The following PCDHGA11 variants were observed in gnomAD, a reference collection of about 807,000 sequenced individuals.
PCDHGA11 encodes protocadherin gamma subfamily A, 11, also known as protocadherin gamma-A11.
PCDHGA11 carries 39 observed loss-of-function variants against 60.4 expected under a neutral mutation model. The observed-to-expected ratio is 0.65, with a 90% confidence interval of 0.50 to 0.84. The LOEUF (loss-of-function observed/expected upper bound fraction) is 0.84. Among genes scored for constraint, PCDHGA11 ranks in the 40% least tolerant of loss-of-function variants. The probability of loss-of-function intolerance (pLI) is 0.00; values close to 1 mark genes in which losing one functional copy is unlikely to be tolerated. For synonymous variants in PCDHGA11, 533 were observed against 510.3 expected (o/e 1.04, Z -0.60); for missense variants, 1,165 against 1,197.7 (o/e 0.97, Z 0.40).
chr5:141,436,207 A>T (rs544201723), intron 1 of PCDHGA11, among the ~76,000 whole-genome samples: 1 of 152,142 alleles, frequency 6.6e-6, no homozygotes, highest in Admixed American at 6.5e-5. Context: ...ACATAATAGG[A>T]AAACAAATGA....
Position 141,487,256 on chromosome 5 carries a change from G to T in PCDHGA11, c.2434-7551G>T. On this transcript the variant is annotated intron_variant, in intron 1 of 3. Coordinates refer to ENST00000398587, the MANE Select transcript of PCDHGA11 (RefSeq NM_018914.3). This position sits in a 1 kb window ranked among gnomAD's most constrained non-coding sequence, Gnocchi z 5.0. Reference sequence around the variant, plus strand: ...ATCTCGTCTAACCCTCTACTTGGCTGTGTCCCTAGTGGCAATTTGCTTTGT... The same window carrying T: ...ATCTCGTCTAACCCTCTACTTGGCTTTGTCCCTAGTGGCAATTTGCTTTGT... The T allele has an allele frequency of 2.5e-6, 4 of 1,614,166 alleles. No homozygotes were observed. Among genetic ancestry groups the T allele is most frequent in the Non-Finnish European group, 2.5e-6 (3 of 1,180,032 alleles).
Position 141,432,483 on chromosome 5 carries a change from T to C in PCDHGA11, c.2433+8823T>C, listed in dbSNP as rs776090923. The C allele has an allele frequency of 6.2e-7, 1 of 1,614,136 alleles. No homozygotes were observed. The highest frequency in any genetic ancestry group is 1.1e-5 in the South Asian group (1 of 91,078). ...CTCCCCACGGACGGTTCCACTGGCG[T>C]GGAGCTGGCTCCCCGCTCCGCAGAG... On this transcript the variant is annotated intron_variant, in intron 1 of 3. Coordinates refer to ENST00000398587, the MANE Select transcript of PCDHGA11 (RefSeq NM_018914.3). The surrounding 1 kb of genome is among the most constrained non-coding windows in gnomAD (Gnocchi z 6.0).
At chr5:141,450,006 CTTTTTTT>C (rs1554136305) in intron 1 of PCDHGA11, among the ~76,000 whole-genome samples, 12 of 132,986 alleles carry the variant, frequency 9.0e-5, no homozygotes, top group Non-Finnish European at 1.7e-4. Context: ...TGCCATGTCT[CTTTTTTT>C]TTTTTTTTTT....
chr5:141,423,310 G>C lies in PCDHGA11; in HGVS notation c.2083G>C (p.Val695Leu). The change falls in exon 1 of 4, where the codon GTG becomes CTG. Residue 695 changes from valine (V) to leucine (L), a missense_variant. Coordinates refer to ENST00000398587, the MANE Select transcript of PCDHGA11 (RefSeq NM_018914.3). The stretch of plus-strand genomic sequence containing the variant: ...AACCTCAGACCTCTCGCTGTACTTG[G>C]TGGTGGCGGTGGCCGCAGTCTCCTG... ...SETSDLSLYL[V>L]VAVAAVSCIF... The C allele has an allele frequency of 1.2e-6, 2 of 1,614,180 alleles. No homozygotes were observed. The highest frequency in any genetic ancestry group is 1.7e-6 in the Non-Finnish European group (2 of 1,180,028).
rs570083634 is a variant in PCDHGA11, at chr5:141,427,859, C to G, written c.2433+4199C>G. 25 of 1,556,390 alleles carry G rather than the reference C, an allele frequency of 1.6e-5. No homozygotes were observed. The Admixed American group carries it at 2.0e-4, about 13-fold the overall frequency. ...CCTTCGACCACGAGCAGCTGTGCGC[C>G]TTCGAGCTCACGATGCAGGCCCACG... On this transcript the variant is annotated intron_variant, in intron 1 of 3. Coordinates refer to ENST00000398587, the MANE Select transcript of PCDHGA11 (RefSeq NM_018914.3).
chr5:141,492,911 G>A (rs1008138353), intron 1 of PCDHGA11, among the ~76,000 whole-genome samples: 1 of 152,216 alleles, frequency 6.6e-6, no homozygotes, highest in Admixed American at 6.5e-5. Context: ...TGATCACAAT[G>A]TGCCCAGCGA....
At position 141,431,418 on chromosome 5, in the gene PCDHGA11, C is replaced by G. The variant is rs571505529; in HGVS notation, c.2433+7758C>G. On this transcript the variant is annotated intron_variant, in intron 1 of 3. Transcript: ENST00000398587. The surrounding 1 kb of genome is among the most constrained non-coding windows in gnomAD (Gnocchi z 4.8). ...CTTACGGCCTCCGACGGGGGCGACC[C>G]GGTGCGCACAGGCACCGCGCGCATC... is the stretch of plus-strand genomic sequence containing the variant. 6.8e-6 allele frequency: 11 copies of G among 1,613,588 alleles called. No homozygotes were observed. In the South Asian group the frequency reaches 1.1e-4, roughly 16 times the overall value.
chr5:141,506,294 C>T (rs1165174121), intron 3 of PCDHGA11, among the ~76,000 whole-genome samples: 1 of 151,888 alleles, frequency 6.6e-6, no homozygotes, highest in African/African-American at 2.4e-5. Context: ...ACTAAAAATA[C>T]AAAAATTAGC....
At chr5:141,505,305 C>T (rs1363643214) in intron 2 of PCDHGA11, 88 bp from the exon 3 acceptor site, 2 of 1,595,104 alleles carry the variant, frequency 1.3e-6, no homozygotes, top group Admixed American at 1.7e-5. Flanking sequence ...GGTTAGGGTA[C>T]TAGGTTTGGG....
rs1312101699 is a variant in PCDHGA11 at position 141,421,245 on chromosome 5, G to C, written c.18G>C (p.Gln6His). ...AGCCTGCCATGGCGAATCGGCTACA[G>C]CGCGGGGACCGCAGTCGGCTGCTGC... MANRL[Q>H]RGDRSRLLLL... The change falls in exon 1 of 4, where the codon CAG becomes CAC. Residue 6 changes from glutamine to histidine, a missense_variant. Physicochemically the swap from Gln to His is conservative, Grantham distance 24. Coordinates refer to ENST00000398587, the MANE Select transcript of PCDHGA11 (RefSeq NM_018914.3). 6.2e-7 allele frequency: 1 copy of C among 1,603,936 alleles called. No homozygotes were observed. The highest frequency in any genetic ancestry group is 8.5e-7 in the Non-Finnish European group (1 of 1,176,330).
chr5:141,487,750 T>A lies in PCDHGA11; in HGVS notation c.2434-7057T>A, dbSNP rs2099664307. On this transcript the variant is annotated intron_variant, in intron 1 of 3. Coordinates refer to ENST00000398587, the MANE Select transcript of PCDHGA11 (RefSeq NM_018914.3). The surrounding 1 kb of genome is among the most constrained non-coding windows in gnomAD (Gnocchi z 5.0). Reference sequence around the variant, plus strand: ...TCACCATTTTTGTAAGAGGTAACTATGTGGTAGACGCTGTGCTTTGTAACT... The same window carrying A: ...TCACCATTTTTGTAAGAGGTAACTAAGTGGTAGACGCTGTGCTTTGTAACT... 1 of 1,555,392 alleles carries A rather than the reference T, an allele frequency of 6.4e-7. No homozygotes were observed. Among genetic ancestry groups the A allele is most frequent in the African/African-American group, 1.4e-5 (1 of 73,376 alleles).
At position 141,489,369 on chromosome 5, in the gene PCDHGA11, G is replaced by A. The variant is rs371328808; in HGVS notation, c.2434-5438G>A. The A allele has an allele frequency of 4.5e-5, 73 of 1,613,474 alleles. No individual in the cohort carries two copies. Among genetic ancestry groups the A allele is most frequent in the African/African-American group, 4.1e-4 (31 of 74,894 alleles). ...TGGTGGAGGAGTCTGAGCCGGGGACGCTGGTGGGGAATGTTGCTCAGGATC... is the reference window on the plus strand; with the variant it reads ...TGGTGGAGGAGTCTGAGCCGGGGACACTGGTGGGGAATGTTGCTCAGGATC... On this transcript the variant is annotated intron_variant, in intron 1 of 3. Transcript: ENST00000398587. This position sits in a 1 kb window ranked among gnomAD's most constrained non-coding sequence, Gnocchi z 4.5.
intron 1 of PCDHGA11, chr5:141,430,836 C>T: frequency 6.4e-7 from 1 of 1,558,936 alleles, no homozygotes; most frequent in South Asian, 1.2e-5. Context: ...CTGTGGGAGA[C>T]CGGATGCACC....
At chr5:141,433,099 C>T (rs1003269683) in intron 1 of PCDHGA11, 1 of 1,614,190 alleles carries the variant, frequency 6.2e-7, no homozygotes, top group Non-Finnish European at 8.5e-7. Context: ...ACATGCTCGT[C>T]AGCCAGGAGA....
Position 141,422,289 on chromosome 5 carries a change from T to G in PCDHGA11, c.1062T>G (p.Ile354Met). The G allele has an allele frequency of 6.4e-7, 1 of 1,553,678 alleles. No homozygotes were observed. Among genetic ancestry groups the G allele is most frequent in the African/African-American group, 1.4e-5 (1 of 72,522 alleles). The change falls in exon 1 of 4, where the codon ATT becomes ATG. Residue 354 changes from isoleucine to methionine, a missense_variant. By Grantham distance (10) the Ile-to-Met change is conservative. Coordinates refer to ENST00000398587, the MANE Select transcript of PCDHGA11 (RefSeq NM_018914.3). ...CAGAAATAACTATCACCTCTTCTAT[T>G]AATTCAATTCTGGAAAACTCTCCTC... ...NAPEITITSSINSILENSPPG... is the reference protein window; with the variant it reads ...NAPEITITSSMNSILENSPPG...
chr5:141,457,798 C>T (rs1233396158), intron 1 of PCDHGA11, among the ~76,000 whole-genome samples: 5 of 152,194 alleles, frequency 3.3e-5, no homozygotes, highest in African/African-American at 9.6e-5. Context: ...GTTATCCTCT[C>T]CTCTTGAGGT....
chr5:141,488,633 A>G (rs2099677537), intron 1 of PCDHGA11, among the ~76,000 whole-genome samples: 1 of 152,174 alleles, frequency 6.6e-6, no homozygotes, highest in South Asian at 2.1e-4. Context: ...TCACCTTAGC[A>G]GCATTCAGCA....
chr5:141,490,345 G>GT lies in PCDHGA11; in HGVS notation c.2434-4461dup, dbSNP rs1363310763. The GT allele has an allele frequency of 6.2e-7, 1 of 1,614,216 alleles. No individual in the cohort carries two copies. The highest frequency in any genetic ancestry group is 2.2e-5 in the East Asian group (1 of 44,886). ...AGAGAGCACACCAGTGGGCACAGTAGTGGGGTTGTTTAATGTGCGAGACCG... is the reference window on the plus strand; with the variant it reads ...AGAGAGCACACCAGTGGGCACAGTAGTTGGGGTTGTTTAATGTGCGAGACCG... On this transcript the variant is annotated intron_variant, in intron 1 of 3. Transcript: ENST00000398587. This position sits in a 1 kb window ranked among gnomAD's most constrained non-coding sequence, Gnocchi z 5.4.
rs747159210 is a variant in PCDHGA11, at chr5:141,511,184, A to C, written c.*11A>C. 1.2e-5 allele frequency: 19 copies of C among 1,613,876 alleles called. No homozygotes were observed. In the Admixed American group the frequency reaches 3.2e-4, roughly 27 times the overall value. ...AAGGAGAAGAAGTAACATGGAGGCC[A>C]GGCCAAGAGCCACAGGGCGGCCTCT... is the stretch of plus-strand genomic sequence containing the variant. On this transcript the variant is annotated 3_prime_UTR_variant, in exon 4 of 4. Transcript: ENST00000398587.
Sources: gnomAD v4.1 joint callset for allele counts (sites outside exome capture counted in the v4.1 genomes callset) on GRCh38, gnomAD v4.1.1 for gene constraint, Gnocchi (gnomAD v3.1) non-coding constraint, MANE v1.5 for transcripts, NCBI Gene and HGNC (gene_info 2026-07-23, HGNC 2026-07-21) for gene names.